The following FBH1 variants were observed in gnomAD, a reference collection of about 807,000 sequenced individuals.
FBH1 encodes F-box DNA helicase 1, also known as DNA 3'-5' helicase 1.
In FBH1, 43 loss-of-function variants were observed where a neutral mutation model predicts 115.5. That is an observed-to-expected ratio of 0.37 (90% CI 0.29 to 0.48). The LOEUF is 0.48. Among genes scored for constraint, FBH1 ranks in the 20% least tolerant of loss-of-function variants. The probability of loss-of-function intolerance (pLI) is 0.99; values close to 1 mark genes in which losing one functional copy is unlikely to be tolerated. For synonymous variants in FBH1, 524 were observed against 507.8 expected, an observed-to-expected ratio of 1.03 and a Z score of -0.43; for missense variants, 1,001 against 1,337.3, an observed-to-expected ratio of 0.75 and a Z score of 3.92.
rs1416333721 is a variant in FBH1 at position 5,910,370 on chromosome 10, C to T, written c.1021-568C>T. On this transcript the variant is annotated intron_variant, in intron 5 of 20. Coordinates refer to ENST00000362091, the MANE Select transcript of FBH1 (RefSeq NM_178150.3). The surrounding 1 kb of genome is among the most constrained non-coding windows in gnomAD (Gnocchi z 4.8). ...CAGAGACATTGCTAAGAGGAGCATG[C>T]TGTCTTCACAAAATAAACTTTCCAT... 6.6e-6 allele frequency among the ~76,000 whole-genome samples: 1 copy of T among 152,182 alleles called. No homozygotes were observed.
chr10:5,907,776 G>C lies in FBH1; in HGVS notation c.753+1144G>C, dbSNP rs147292172. ...GGCATAAACCACTGTGCCTGGGCAA[G>C]GGTATGTTGTTTAATATCCATATAT... On this transcript the variant is annotated intron_variant, in intron 3 of 20. Transcript: ENST00000362091. Among the ~76,000 whole-genome samples, 6 of 152,218 alleles carry C rather than the reference G, an allele frequency of 3.9e-5. No homozygotes were observed. In the East Asian group the frequency reaches 1.2e-3, roughly 29 times the overall value.
At chr10:5,901,215 C>T (rs913370493) in intron 1 of FBH1, among the ~76,000 whole-genome samples, 1 of 152,160 alleles carries the variant, frequency 6.6e-6, no homozygotes, top group South Asian at 2.1e-4. Context: ...TCTTGTTGCC[C>T]AGGCTGGAGT....
Position 5,917,642 on chromosome 10 carries a change from C to T in FBH1, c.1929C>T (p.Ala643=). The T allele has an allele frequency of 6.2e-7, 1 of 1,614,070 alleles. No individual in the cohort carries two copies. Among genetic ancestry groups the T allele is most frequent in the Non-Finnish European group, 8.5e-7 (1 of 1,180,004 alleles). ...LSKPSLASFD[A]IFVDEAQDCT... is the part of the protein sequence containing the mutation. The stretch of plus-strand genomic sequence containing the variant: ...AGCCTTCGCTGGCCTCTTTTGACGC[C>T]ATCTTTGTGGATGAGGCCCAGGACT... The change falls in exon 12 of 21, where the codon GCC becomes GCT. Residue 643 remains alanine, a synonymous_variant. Coordinates refer to ENST00000362091, the MANE Select transcript of FBH1 (RefSeq NM_178150.3). The surrounding 1 kb of genome is among the most constrained non-coding windows in gnomAD (Gnocchi z 5.6).
chr10:5,890,293 C>G lies in FBH1; in HGVS notation c.-53C>G. The G allele has an allele frequency of 2.7e-6, 1 of 372,512 alleles. No individual in the cohort carries two copies. 23.1% of individuals were successfully genotyped at this position (372,512 alleles called of 1,614,324 possible). ...GCCGGGGGACGCTGGGCTGAGCGGC[C>G]GGCGGCGCGGGCCCGGCGGCGGCGG... On this transcript the variant is annotated 5_prime_UTR_variant, in exon 1 of 21. Transcript: ENST00000362091.
chr10:5,899,192 GA>G (rs1460080544), intron 1 of FBH1, among the ~76,000 whole-genome samples: 1 of 152,200 alleles, frequency 6.6e-6, no homozygotes, highest in Non-Finnish European at 1.5e-5. Flanking sequence ...TTGACTTTCA[GA>G]AGCCTTCGGT....
rs978321904 is a variant in FBH1, at chr10:5,936,730, G to A, written c.2961+143G>A. The stretch of plus-strand genomic sequence containing the variant: ...GGCTTTTCATATGAGAGGCACAAGA[G>A]GTGTGTGGTCTGTCCCAGGGTCAGA... On this transcript the variant is annotated intron_variant, in intron 20 of 20. Coordinates refer to ENST00000362091, the MANE Select transcript of FBH1 (RefSeq NM_178150.3). The surrounding 1 kb of genome is among the most constrained non-coding windows in gnomAD (Gnocchi z 5.6). 1.8e-6 allele frequency: 2 copies of A among 1,102,194 alleles called. No individual in the cohort carries two copies. The highest frequency in any genetic ancestry group is 1.6e-5 in the African/African-American group (1 of 64,438). 68.3% of individuals were successfully genotyped at this position (1,102,194 alleles called of 1,614,324 possible). A position where few individuals can be genotyped will look rare whatever the true frequency, so the allele number is the denominator to read the frequency against.
chr10:5,897,491 G>C lies in FBH1; in HGVS notation c.2-5529G>C, dbSNP rs1376503700. Among the ~76,000 whole-genome samples the C allele has an allele frequency of 6.6e-6, 1 of 152,100 alleles. No individual in the cohort carries two copies. The highest frequency in any genetic ancestry group is 2.4e-5 in the African/African-American group (1 of 41,398). ...TACAGGTTAGTTTTCCTGACCTCCA[G>C]CTGACGTTAGAAAAGTTATTTTTGA... On this transcript the variant is annotated intron_variant, in intron 1 of 20. Coordinates refer to ENST00000362091, the MANE Select transcript of FBH1 (RefSeq NM_178150.3). This position sits in a 1 kb window ranked among gnomAD's most constrained non-coding sequence, Gnocchi z 4.7.
Position 5,913,900 on chromosome 10 carries a change from G to C in FBH1, c.1304+61G>C. The C allele has an allele frequency of 7.8e-7, 1 of 1,283,408 alleles. No individual in the cohort carries two copies. Among genetic ancestry groups the C allele is most frequent in the Non-Finnish European group, 1.1e-6 (1 of 902,788 alleles). 79.5% of individuals were successfully genotyped at this position (1,283,408 alleles called of 1,614,324 possible). A position where few individuals can be genotyped will look rare whatever the true frequency, so the allele number is the denominator to read the frequency against. On this transcript the variant is annotated intron_variant, in intron 7 of 20. Transcript: ENST00000362091. This position sits in a 1 kb window ranked among gnomAD's most constrained non-coding sequence, Gnocchi z 4.4. ...TCTGTCGACTCTTCCTCATACTTAA[G>C]GAGGGAGATGTTTTGCTTCACTTTA... is the stretch of plus-strand genomic sequence containing the variant.
Position 5,917,467 on chromosome 10 carries a change from G to A in FBH1, c.1836G>A (p.Leu612=). The change falls in exon 11 of 21, where the codon CTG becomes CTA. Residue 612 remains leucine (L), a synonymous_variant. Transcript: ENST00000362091. The surrounding 1 kb of genome is among the most constrained non-coding windows in gnomAD (Gnocchi z 5.6). Reference sequence around the variant, plus strand: ...GCCTCTGGGATAACATGCGGAAGCTGGGGGAGTGCACAGAAGAGGCGCACC... The same window carrying A: ...GCCTCTGGGATAACATGCGGAAGCTAGGGGAGTGCACAGAAGAGGCGCACC... The part of the protein sequence containing the change: ...ASRLWDNMRK[L]GECTEEAHQM... 1 of 1,614,220 alleles carries A rather than the reference G, an allele frequency of 6.2e-7. No homozygotes were observed. The highest frequency in any genetic ancestry group is 1.7e-5 in the Admixed American group (1 of 60,032).
chr10:5,907,239 A>G (rs548674434), intron 3 of FBH1, among the ~76,000 whole-genome samples: 1 of 152,294 alleles, frequency 6.6e-6, no homozygotes, highest in East Asian at 1.9e-4. Flanking sequence ...TGCTGGGGTT[A>G]CAGGCGTGAG....
rs1476335252 is a variant in FBH1, at chr10:5,909,477, T to C, written c.1020+183T>C. 3.0e-6 allele frequency: 2 copies of C among 662,144 alleles called. No individual in the cohort carries two copies. The highest frequency in any genetic ancestry group is 1.8e-5 in the African/African-American group (1 of 55,314). The allele number at this position is 662,144 out of a possible 1,614,324, so 41.0% of individuals were successfully genotyped here. On this transcript the variant is annotated intron_variant, in intron 5 of 20. Transcript: ENST00000362091. The surrounding 1 kb of genome is among the most constrained non-coding windows in gnomAD (Gnocchi z 4.4). ...GGAGAAATAAAAGGCCATATAATTG[T>C]AGAGTCTTAGATGTAGATGAAATTT...
chr10:5,937,345 G>T lies in FBH1; in HGVS notation c.*65G>T. 2 of 1,410,606 alleles carry T rather than the reference G, an allele frequency of 1.4e-6. No individual in the cohort carries two copies. Among genetic ancestry groups the T allele is most frequent in the South Asian group, 1.6e-5 (1 of 60,840 alleles). 87.4% of individuals were successfully genotyped at this position (1,410,606 alleles called of 1,614,324 possible). A position where few individuals can be genotyped will look rare whatever the true frequency, so the allele number is the denominator to read the frequency against. ...CGAGGACCCCGCGTGAAGAAAGCCAGCGAGGGGGGCTTCTGCTCCCTGAGA... is the reference window on the plus strand; with the variant it reads ...CGAGGACCCCGCGTGAAGAAAGCCATCGAGGGGGGCTTCTGCTCCCTGAGA... On this transcript the variant is annotated 3_prime_UTR_variant, in exon 21 of 21. Transcript: ENST00000362091.
At chr10:5,908,761 C>T (rs368376296) in intron 3 of FBH1, among the ~76,000 whole-genome samples, 164 bp from the exon 4 acceptor site, 2 of 152,282 alleles carry the variant, frequency 1.3e-5, no homozygotes, top group African/African-American at 4.8e-5. Context: ...CATGTGCCAT[C>T]ATGCCTGGCT....
Position 5,916,238 on chromosome 10 carries a change from C to T in FBH1, c.1570C>T (p.Gln524Ter). ...MAYGHIGRKY[Q>*]SKKKLNLFKL... is the part of the protein sequence containing the mutation. ...CATTTGGGATGGGTATTGCAGGTAC[C>T]AGTCAAAGAAGAAGTTGAATCTCTT... The change falls in exon 10 of 21, where the codon CAG (glutamine) becomes TAG (stop). Residue 524 changes from glutamine to a stop codon, truncating the protein, a stop_gained. Transcript: ENST00000362091. LOFTEE classifies it high-confidence loss of function. 1 of 1,614,014 alleles carries T rather than the reference C, an allele frequency of 6.2e-7. No homozygotes were observed. Among genetic ancestry groups the T allele is most frequent in the Non-Finnish European group, 8.5e-7 (1 of 1,179,914 alleles).
At position 5,910,984 on chromosome 10, in the gene FBH1, G is replaced by A. The variant is rs1831551315; in HGVS notation, c.1067G>A (p.Ser356Asn). The A allele has an allele frequency of 6.2e-7, 1 of 1,612,286 alleles. No homozygotes were observed. Among genetic ancestry groups the A allele is most frequent in the Non-Finnish European group, 8.5e-7 (1 of 1,180,004 alleles). The change falls in exon 6 of 21, where the codon AGC becomes AAC. Residue 356 changes from serine (S) to asparagine (N), a missense_variant. By Grantham distance (46) the Ser-to-Asn change is conservative (BLOSUM62 1). This residue lies in a region of FBH1 where 59 missense variants were observed against 79.7 expected (regional missense o/e 0.74). Transcript: ENST00000362091. This position sits in a 1 kb window ranked among gnomAD's most constrained non-coding sequence, Gnocchi z 4.8. Reference protein sequence around the residue: ...ALVAAVVLLSSSVNDIQRLLF... With the variant: ...ALVAAVVLLSNSVNDIQRLLF... ...GTGGCGGCTGTGGTGCTCCTCTCCA[G>A]CAGTGTGAATGACATCCAGCGACTG...
Position 5,913,130 on chromosome 10 carries a change from C to T in FBH1, c.1212-617C>T, listed in dbSNP as rs1262307718. On this transcript the variant is annotated intron_variant, in intron 6 of 20. Transcript: ENST00000362091. This position sits in a 1 kb window ranked among gnomAD's most constrained non-coding sequence, Gnocchi z 4.4. ...CGTGTGCCAGCTGAGTCTGACGAGT[C>T]TGACGATGTCCTGTGCCTCTGCTGA... Among the ~76,000 whole-genome samples, 1 of 152,104 alleles carries T rather than the reference C, an allele frequency of 6.6e-6. No individual in the cohort carries two copies. The highest frequency in any genetic ancestry group is 6.5e-5 in the Admixed American group (1 of 15,270).
Position 5,915,599 on chromosome 10 carries a change from G to C in FBH1, c.1565+28G>C. 6.2e-7 allele frequency: 1 copy of C among 1,608,142 alleles called. No homozygotes were observed. The highest frequency in any genetic ancestry group is 8.5e-7 in the Non-Finnish European group (1 of 1,175,290). ...GAGTACTGCTGTCACTAGTGGCACT[G>C]TTGCTGCTGGCACGGTCGCGTCTTA... On this transcript the variant is annotated intron_variant, in intron 9 of 20. Coordinates refer to ENST00000362091, the MANE Select transcript of FBH1 (RefSeq NM_178150.3). The surrounding 1 kb of genome is among the most constrained non-coding windows in gnomAD (Gnocchi z 5.2).
chr10:5,932,295 G>A lies in FBH1; in HGVS notation c.2830-4161G>A, dbSNP rs1196978264. ...TCTTTATGCAAGTATTAGCAAATTC[G>A]TAGGTATTTTCATATTCTCCTTTTC... On this transcript the variant is annotated intron_variant, in intron 19 of 20. Coordinates refer to ENST00000362091, the MANE Select transcript of FBH1 (RefSeq NM_178150.3). The surrounding 1 kb of genome is among the most constrained non-coding windows in gnomAD (Gnocchi z 5.9). 2.6e-5 allele frequency among the ~76,000 whole-genome samples: 4 copies of A among 152,192 alleles called. No homozygotes were observed. The highest frequency in any genetic ancestry group is 2.9e-5 in the Non-Finnish European group (2 of 68,040).
Position 5,909,786 on chromosome 10 carries a change from C to T in FBH1, c.1020+492C>T, listed in dbSNP as rs7920121. ...TTCAGGGATTCCCAGATTTTATCTT[C>T]GAAGCTACGTGCAACCTCTGCGTGT... On this transcript the variant is annotated intron_variant, in intron 5 of 20. Transcript: ENST00000362091. This position sits in a 1 kb window ranked among gnomAD's most constrained non-coding sequence, Gnocchi z 4.4. Among the ~76,000 whole-genome samples, 1,808 of 152,278 alleles carry T rather than the reference C, an allele frequency of 0.012. 37 individuals are homozygous for T. Among genetic ancestry groups the T allele is most frequent in the African/African-American group, 0.041 (1,709 of 41,542 alleles).
Sources: gnomAD v4.1 joint callset for allele counts (sites outside exome capture counted in the v4.1 genomes callset) on GRCh38, gnomAD v4.1.1 for gene constraint, gnomAD v4.1.1 regional missense constraint, Gnocchi (gnomAD v3.1) non-coding constraint, MANE v1.5 for transcripts, NCBI Gene and HGNC (gene_info 2026-07-23, HGNC 2026-07-21) for gene names.